Variants in SMC5 observed in about 807,000 individuals in gnomAD.
SMC5 encodes structural maintenance of chromosomes protein 5.
Under a neutral mutation model 148.3 loss-of-function variants are expected in SMC5, and 88 were observed. That is an observed-to-expected ratio of 0.59 (90% CI 0.50 to 0.71). The LOEUF is 0.71. SMC5 is among the 30% of genes least tolerant of loss of function. The probability of loss-of-function intolerance (pLI) is 0.00; values close to 1 mark genes in which losing one functional copy is unlikely to be tolerated. For missense variants in SMC5, 1,142 were observed against 1,298.9 expected, an observed-to-expected ratio of 0.88 and a Z score of 1.86; for synonymous variants, 421 against 432.8, an observed-to-expected ratio of 0.97 and a Z score of 0.34.
chr9:70,259,011 G>A lies in SMC5; in HGVS notation c.-68G>A. On this transcript the variant is annotated 5_prime_UTR_variant, in exon 1 of 25. Transcript: ENST00000361138. Reference sequence around the variant, plus strand: ...CGGGAGCGGGGCGCCTGGGTGGATGGGCGCTTGGGCGCCTGGGCTGCCGGA... The same window carrying A: ...CGGGAGCGGGGCGCCTGGGTGGATGAGCGCTTGGGCGCCTGGGCTGCCGGA... The A allele has an allele frequency of 6.7e-7, 1 of 1,488,006 alleles. No homozygotes were observed. The highest frequency in any genetic ancestry group is 1.4e-5 in the South Asian group (1 of 73,882). The allele number at this position is 1,488,006 out of a possible 1,614,324, so 92.2% of individuals were successfully genotyped here.
intron 9 of SMC5, 63 bp from the exon 10 acceptor site, chr9:70,299,983 T>C (rs1323154990): frequency 4.1e-5 from 59 of 1,434,728 alleles, no homozygotes; most frequent in Middle Eastern, 2.3e-4. Flanking sequence ...GTGTTATTAT[T>C]AGATTATTTC....
At chr9:70,301,313 A>G (rs1032554521) in intron 10 of SMC5, among the ~76,000 whole-genome samples, 2 of 152,212 alleles carry the variant, frequency 1.3e-5, no homozygotes, top group South Asian at 4.1e-4. Context: ...TAATAGTAGC[A>G]TATATCACCA....
chr9:70,316,432 A>T (rs1424911100), intron 13 of SMC5, among the ~76,000 whole-genome samples: 1 of 148,562 alleles, frequency 6.7e-6, no homozygotes. Context: ...TTACCAACTC[A>T]TTTTGCAAAA....
At chr9:70,315,723 A>C in intron 13 of SMC5, 145 bp downstream of exon 13, 1 of 580,374 alleles carries the variant, frequency 1.7e-6, no homozygotes, top group Non-Finnish European at 2.7e-6. Context: ...TGTATTAATT[A>C]TTTTCCATAT....
intron 17 of SMC5, among the ~76,000 whole-genome samples, chr9:70,332,968 A>T (rs1246420683): frequency 6.6e-6 from 1 of 152,226 alleles, no homozygotes; most frequent in Admixed American, 6.5e-5. Flanking sequence ...CCAACAGCTC[A>T]TATCAATCTT....
chr9:70,292,915 G>A (rs890500059), intron 8 of SMC5, among the ~76,000 whole-genome samples: 1 of 152,028 alleles, frequency 6.6e-6, no homozygotes, highest in Admixed American at 6.5e-5. Flanking sequence ...TGTGTTAAAG[G>A]ATTTTTGCGT....
intron 22 of SMC5, among the ~76,000 whole-genome samples, 159 bp downstream of exon 22, chr9:70,348,197 T>A (rs1288424274): frequency 6.6e-6 from 1 of 152,120 alleles, no homozygotes; most frequent in African/African-American, 2.4e-5. Context: ...TGGGATTCCA[T>A]TAGGGTCACT....
Position 70,268,122 on chromosome 9 carries a change from G to GT in SMC5, c.380+148dup, listed in dbSNP as rs1365425972. 3 of 635,638 alleles carry GT rather than the reference G, an allele frequency of 4.7e-6. No homozygotes were observed. The African/African-American group carries it at 5.7e-5, about 12-fold the overall frequency. 39.4% of individuals were successfully genotyped at this position (635,638 alleles called of 1,614,324 possible). Reference sequence around the variant, plus strand: ...TTTAAAGAATACTTAATCCAGATAAGTAAGGGGTTTAAAAAATATATTTTA... The same window carrying GT: ...TTTAAAGAATACTTAATCCAGATAAGTTAAGGGGTTTAAAAAATATATTTTA... On this transcript the variant is annotated intron_variant, in intron 3 of 24. Coordinates refer to ENST00000361138, the MANE Select transcript of SMC5 (RefSeq NM_015110.4).
At position 70,276,017 on chromosome 9, in the gene SMC5, A is replaced by G. The variant is rs527936659; in HGVS notation, c.381-1293A>G. ...CTTGTGTGTGTGTTTGTAGCGAACT[A>G]CTCTTCTTAGAACTTTATCTGTGTT... is the stretch of plus-strand genomic sequence containing the variant. On this transcript the variant is annotated intron_variant, in intron 3 of 24. Transcript: ENST00000361138. Among the ~76,000 whole-genome samples the G allele has an allele frequency of 1.3e-3, 194 of 152,062 alleles. 1 individual carries two copies. Among genetic ancestry groups the G allele is most frequent in the African/African-American group, 4.5e-3 (185 of 41,456 alleles).
chr9:70,323,191 T>C (rs2035991215), intron 15 of SMC5, among the ~76,000 whole-genome samples: 1 of 152,232 alleles, frequency 6.6e-6, no homozygotes, highest in African/African-American at 2.4e-5. Flanking sequence ...ATCTTTAAAA[T>C]TGAGAACATA....
At chr9:70,262,996 A>G (rs1239766350) in intron 1 of SMC5, among the ~76,000 whole-genome samples, 1 of 152,104 alleles carries the variant, frequency 6.6e-6, no homozygotes, top group African/African-American at 2.4e-5. Context: ...GTTTTTGGCA[A>G]CTGTCCCTAT....
chr9:70,326,889 G>A lies in SMC5; in HGVS notation c.2397+2746G>A, dbSNP rs140548764. 7.9e-3 allele frequency among the ~76,000 whole-genome samples: 1,206 copies of A among 151,838 alleles called. 6 individuals carry two copies. Among genetic ancestry groups the A allele is most frequent in the African/African-American group, 0.028 (1,149 of 41,416 alleles). On this transcript the variant is annotated intron_variant, in intron 17 of 24. Transcript: ENST00000361138. ...AAAATTGCAAAAAAAATCATGTACT[G>A]TTTTCAGTAATCATAATGTTAATAT...
rs143140627 is a variant in SMC5, at chr9:70,303,341, C to A, written c.1465-1906C>A. The stretch of plus-strand genomic sequence containing the variant: ...TTTTAAAAAGATGACTTTCTGTGGT[C>A]ATTTTGGGGTTACTTTTACCCTTTC... On this transcript the variant is annotated intron_variant, in intron 10 of 24. Transcript: ENST00000361138. Among the ~76,000 whole-genome samples, 1,300 of 152,074 alleles carry A rather than the reference C, an allele frequency of 8.5e-3. 11 individuals carry two copies. Among genetic ancestry groups the A allele is most frequent in the Non-Finnish European group, 0.013 (874 of 68,000 alleles).
chr9:70,287,138 A>T (rs1228976906), intron 8 of SMC5, among the ~76,000 whole-genome samples: 1 of 152,222 alleles, frequency 6.6e-6, no homozygotes, highest in Non-Finnish European at 1.5e-5. Context: ...ACTGCAGGTA[A>T]TTTATTGCTA....
At chr9:70,331,814 G>C (rs2036226529) in intron 17 of SMC5, among the ~76,000 whole-genome samples, 1 of 152,172 alleles carries the variant, frequency 6.6e-6, no homozygotes. Flanking sequence ...ACCACTAAAA[G>C]ATGTGAGTAT....
Position 70,353,025 on chromosome 9 carries a change from G to C in SMC5, c.*694G>C, listed in dbSNP as rs2036838571. 2 of 151,780 alleles carry C rather than the reference G, an allele frequency of 1.3e-5. No homozygotes were observed. Among genetic ancestry groups the C allele is most frequent in the Non-Finnish European group, 2.9e-5 (2 of 67,962 alleles). The allele number at this position is 151,780 out of a possible 1,614,324, so 9.4% of individuals were successfully genotyped here. A position where few individuals can be genotyped will look rare whatever the true frequency, so the allele number is the denominator to read the frequency against. ...TGATGCAAAATACAACCAAAAGATT[G>C]ACTGAGAATAAAATTAGGTGACAAG... On this transcript the variant is annotated 3_prime_UTR_variant, in exon 25 of 25. Coordinates refer to ENST00000361138, the MANE Select transcript of SMC5 (RefSeq NM_015110.4).
chr9:70,273,719 G>C (rs1432177168), intron 3 of SMC5, among the ~76,000 whole-genome samples: 2 of 152,032 alleles, frequency 1.3e-5, no homozygotes, highest in Non-Finnish European at 1.5e-5. Flanking sequence ...TTCTAATGTA[G>C]TGATTTTCTT....
At chr9:70,261,511 G>T (rs1308184435) in intron 1 of SMC5, among the ~76,000 whole-genome samples, 1 of 152,202 alleles carries the variant, frequency 6.6e-6, no homozygotes, top group African/African-American at 2.4e-5. Context: ...GGAGCAGTTT[G>T]AGGAGAATAA....
At chr9:70,346,450 A>G in intron 18 of SMC5, 155 bp from the exon 19 acceptor site, 2 of 754,388 alleles carry the variant, frequency 2.7e-6, no homozygotes, top group South Asian at 1.7e-5. Context: ...TCCCCATGGC[A>G]TGGACTCAGA....
Sources: gnomAD v4.1 joint callset for allele counts (sites outside exome capture counted in the v4.1 genomes callset) on GRCh38, gnomAD v4.1.1 for gene constraint, MANE v1.5 for transcripts, NCBI Gene and HGNC (gene_info 2026-07-23, HGNC 2026-07-21) for gene names.